Variants in NEMP2 observed in about 807,000 individuals in gnomAD.
The protein encoded by NEMP2 is UPF0571 transmembrane protein.
NEMP2 carries 53 observed loss-of-function variants against 54.2 expected under a neutral mutation model. The observed-to-expected ratio is 0.98, with a 90% CI of 0.78 to 1.23. NEMP2 has a LOEUF of 1.23. Among genes scored for constraint, NEMP2 ranks in the 50% most tolerant of loss-of-function variants. The pLI, the probability that NEMP2 is intolerant of heterozygous loss-of-function variation, is 0.00. For missense variants in NEMP2, 455 were observed against 511.3 expected (o/e 0.89, Z 1.06); for synonymous variants, 197 against 190.3 (o/e 1.04, Z -0.29).
the NEMP2 span, among the ~76,000 whole-genome samples, chr2:190,639,120 CA>C: frequency 6.6e-6 from 1 of 152,172 alleles, no homozygotes; most frequent in Non-Finnish European, 1.5e-5. Flanking sequence ...CAGATTAAAG[CA>C]GTTCAAGCCA....
At chr2:190,445,805 G>A in the NEMP2 span, among the ~76,000 whole-genome samples, 1 of 76,328 alleles carries the variant, frequency 1.3e-5, no homozygotes, top group Non-Finnish European at 2.6e-5. Flanking sequence ...TTCATAACGT[G>A]GTAATATGGA....
At chr2:190,502,904 T>C (rs181715603), downstream of NEMP2, among the ~76,000 whole-genome samples, 565 of 152,152 alleles carry the variant, frequency 3.7e-3, 5 homozygotes, top group African/African-American at 0.013. This position sits in a 1 kb window ranked among gnomAD's most constrained non-coding sequence, Gnocchi z 4.4. Flanking sequence ...GTTTAAGTTA[T>C]GAGATCAAGG....
the NEMP2 span, chr2:190,568,001 T>G: frequency 3.3e-5 from 5 of 152,110 alleles, no homozygotes; most frequent in African/African-American, 9.7e-5. The surrounding 1 kb of genome is among the most constrained non-coding windows in gnomAD (Gnocchi z 4.7). Context: ...ATCAATGAAG[T>G]GTGAGAGCAG....
At chr2:190,624,611 TG>T in the NEMP2 span, 2 of 152,252 alleles carry the variant, frequency 1.3e-5, no homozygotes, top group Non-Finnish European at 2.9e-5. Flanking sequence ...ATATACACGG[TG>T]GAATATTATT....
chr2:190,636,542 T>C, the NEMP2 span, among the ~76,000 whole-genome samples: 26 of 152,240 alleles, frequency 1.7e-4, no homozygotes, highest in Non-Finnish European at 2.8e-4. Context: ...CAATCATCAC[T>C]AAGCGTATGT....
the NEMP2 span, among the ~76,000 whole-genome samples, chr2:190,594,302 C>T: frequency 6.6e-6 from 1 of 152,168 alleles, no homozygotes; most frequent in South Asian, 2.1e-4. This position sits in a 1 kb window ranked among gnomAD's most constrained non-coding sequence, Gnocchi z 5.6. Flanking sequence ...CACACCCACC[C>T]CCGTCACCAT....
chr2:190,524,341 C>A (rs774163434), intron 2 of NEMP2, among the ~76,000 whole-genome samples: 8 of 152,150 alleles, frequency 5.3e-5, no homozygotes, highest in Non-Finnish European at 1.2e-4. Context: ...AAGAGGTTAT[C>A]TACACAGTCT....
the NEMP2 span, among the ~76,000 whole-genome samples, chr2:190,543,571 T>C: frequency 1.3e-5 from 2 of 152,158 alleles, no homozygotes; most frequent in Non-Finnish European, 2.9e-5. The surrounding 1 kb of genome is among the most constrained non-coding windows in gnomAD (Gnocchi z 4.7). Flanking sequence ...GCATTGTAAA[T>C]ATGTAAGTTC....
In NEMP2 at chr2:190,506,095, C is replaced by T. The variant is rs1488917129; in HGVS notation, c.*3094G>A. On this transcript the variant is annotated 3_prime_UTR_variant, in exon 9 of 9. Coordinates refer to ENST00000409150, the MANE Select transcript of NEMP2 (RefSeq NM_001142645.2). This position sits in a 1 kb window ranked among gnomAD's most constrained non-coding sequence, Gnocchi z 6.3. The stretch of plus-strand genomic sequence containing the variant: ...TAGTTATATTTTTGGTTGTGAATCA[C>T]TACCTGTACCAACTATATGAATTGA... 1.3e-5 allele frequency: 2 copies of T among 152,224 alleles called. No individual in the cohort carries two copies. Among genetic ancestry groups the T allele is most frequent in the African/African-American group, 4.8e-5 (2 of 41,452 alleles). The allele number at this position is 152,224 out of a possible 1,614,324, so 9.4% of individuals were successfully genotyped here. A position where few individuals can be genotyped will look rare whatever the true frequency, so the allele number is the denominator to read the frequency against.
the NEMP2 span, among the ~76,000 whole-genome samples, chr2:190,496,186 C>G: frequency 6.7e-6 from 1 of 150,168 alleles, no homozygotes; most frequent in Non-Finnish European, 1.5e-5. The surrounding 1 kb of genome is among the most constrained non-coding windows in gnomAD (Gnocchi z 4.7). Context: ...CATGCATAAA[C>G]AATTCTCAAG....
chr2:190,489,655 G>A, the NEMP2 span: 1 of 978,552 alleles, frequency 1.0e-6, no homozygotes, highest in Middle Eastern at 2.1e-4. The surrounding 1 kb of genome is among the most constrained non-coding windows in gnomAD (Gnocchi z 6.6). Flanking sequence ...CTTTTCTCTG[G>A]TTTGTCTCAA....
the NEMP2 span, among the ~76,000 whole-genome samples, chr2:190,450,475 TTTTCTCTTTTTCC>T: frequency 1.4e-5 from 2 of 142,708 alleles, no homozygotes; most frequent in African/African-American, 5.1e-5. Context: ...AACTTTTTCT[TTTTCTCTTTTTCC>T]TTTTTTTTTT....
chr2:190,514,721 A>G lies in NEMP2; in HGVS notation c.728-43T>C. On this transcript the variant is annotated intron_variant, in intron 6 of 8. Coordinates refer to ENST00000409150, the MANE Select transcript of NEMP2 (RefSeq NM_001142645.2). The surrounding 1 kb of genome is among the most constrained non-coding windows in gnomAD (Gnocchi z 5.7). ...GTAAAATAATATAAATTTGAATTTG[A>G]GACATTATGTGAAAAACCTGGCAGA... is the stretch of plus-strand genomic sequence containing the variant. 1 of 1,521,104 alleles carries G rather than the reference A, an allele frequency of 6.6e-7. No individual in the cohort carries two copies. The highest frequency in any genetic ancestry group is 8.9e-7 in the Non-Finnish European group (1 of 1,120,658). The allele number at this position is 1,521,104 out of a possible 1,614,324, so 94.2% of individuals were successfully genotyped here.
chr2:190,581,733 A>G, the NEMP2 span, among the ~76,000 whole-genome samples: 1 of 152,220 alleles, frequency 6.6e-6, no homozygotes, highest in East Asian at 1.9e-4. Context: ...GTTGGGTATT[A>G]AAAACCAATA....
At chr2:190,534,124 G>C in intron 1 of NEMP2, 1 of 990,000 alleles carries the variant, frequency 1.0e-6, no homozygotes, top group Non-Finnish European at 1.2e-6. Flanking sequence ...CTAGTCTTGA[G>C]ACCAAAGGAA....
chr2:190,618,241 T>G, the NEMP2 span, among the ~76,000 whole-genome samples: 2 of 152,036 alleles, frequency 1.3e-5, no homozygotes, highest in Non-Finnish European at 2.9e-5. Context: ...GAGTTACAAA[T>G]CAAGTCTTAT....
chr2:190,533,330 C>A lies in NEMP2; in HGVS notation c.97+1229G>T, dbSNP rs1341904047. Among the ~76,000 whole-genome samples the A allele has an allele frequency of 2.6e-5, 4 of 152,302 alleles. No homozygotes were observed. The highest frequency in any genetic ancestry group is 9.6e-5 in the African/African-American group (4 of 41,550). ...GATTTGTGTTTTATTTTTTCACCAG[C>A]ATAAAATTGTTGTATTTCTTACTAC... On this transcript the variant is annotated intron_variant, in intron 1 of 8. Coordinates refer to ENST00000409150, the MANE Select transcript of NEMP2 (RefSeq NM_001142645.2). This position sits in a 1 kb window ranked among gnomAD's most constrained non-coding sequence, Gnocchi z 4.3.
At chr2:190,483,375 CTCTCT>C in the NEMP2 span, among the ~76,000 whole-genome samples, 1 of 152,214 alleles carries the variant, frequency 6.6e-6, no homozygotes, top group African/African-American at 2.4e-5. Context: ...TATTCAACAA[CTCTCT>C]TCTCTGTGTG....
the NEMP2 span, chr2:190,469,933 C>T: frequency 1.0e-6 from 1 of 1,003,262 alleles, no homozygotes; most frequent in Non-Finnish European, 1.5e-6. The surrounding 1 kb of genome is among the most constrained non-coding windows in gnomAD (Gnocchi z 5.3). Flanking sequence ...CCTTCAGCAT[C>T]TGATTCTATA....
Sources: allele counts gnomAD v4.1 joint callset (sites outside exome capture counted in the v4.1 genomes callset), GRCh38; gene constraint gnomAD v4.1.1; non-coding constraint Gnocchi (gnomAD v3.1); transcripts MANE v1.5; gene names NCBI Gene and HGNC (gene_info 2026-07-23, HGNC 2026-07-21).